DPP10: variants seen among roughly 807,000 people sequenced by gnomAD.
DPP10 encodes the protein dipeptidyl peptidase like 10.
A neutral mutation model predicts 120.9 loss-of-function variants in DPP10; 33 were observed. The ratio of observed to expected loss-of-function variants is 0.27; its 90% CI spans 0.21 to 0.37. The LOEUF (loss-of-function observed/expected upper bound fraction) is 0.37. Ranked by LOEUF, DPP10 falls within the 10% of genes least tolerant of loss-of-function variation. The pLI, the probability that DPP10 is intolerant of heterozygous loss-of-function variation, is 1.00. For synonymous variants in DPP10, 337 were observed against 326.1 expected (o/e 1.03, Z -0.36); for missense variants, 816 against 942.8 (o/e 0.87, Z 1.76).
rs536346113 is a variant in DPP10, at chr2:115,313,110, C to T, written c.175+3757C>T. 1.7e-4 allele frequency among the ~76,000 whole-genome samples: 26 copies of T among 152,196 alleles called. No individual in the cohort carries two copies. In the East Asian group the frequency reaches 5.0e-3, roughly 29 times the overall value. ...TGGTGGCATGCACCTGTAGTCCCAG[C>T]TACTCGGGAGGCTGAGGCAGGAGAA... is the stretch of plus-strand genomic sequence containing the variant. On this transcript the variant is annotated intron_variant, in intron 2 of 25. Coordinates refer to ENST00000410059, the MANE Select transcript of DPP10 (RefSeq NM_020868.6).
chr2:115,461,362 T>G (rs951499452), intron 3 of DPP10, among the ~76,000 whole-genome samples: 1 of 152,190 alleles, frequency 6.6e-6, no homozygotes, highest in Non-Finnish European at 1.5e-5. Flanking sequence ...TAGATTTTGT[T>G]ATATGAAAAT....
At chr2:114,477,699 A>ATG (rs770799341) in intron 1 of DPP10, among the ~76,000 whole-genome samples, 18 of 149,872 alleles carry the variant, frequency 1.2e-4, no homozygotes, top group South Asian at 4.2e-4. Flanking sequence ...GCAGTAGAGT[A>ATG]TGTGTGTGTG....
At chr2:115,068,754 G>T (rs1015279317) in intron 1 of DPP10, among the ~76,000 whole-genome samples, 1 of 152,136 alleles carries the variant, frequency 6.6e-6, no homozygotes, top group Admixed American at 6.5e-5. Context: ...TAGACAGTGT[G>T]AGATAAGGGT....
intron 1 of DPP10, among the ~76,000 whole-genome samples, chr2:114,883,810 T>C (rs939526524): frequency 3.9e-5 from 6 of 152,166 alleles, no homozygotes; most frequent in Non-Finnish European, 5.9e-5. Flanking sequence ...GGTGGAGTGA[T>C]GGAAGAAATT....
intron 1 of DPP10, among the ~76,000 whole-genome samples, chr2:114,670,051 A>G (rs1469621057): frequency 6.6e-6 from 1 of 152,130 alleles, no homozygotes; most frequent in Non-Finnish European, 1.5e-5. Flanking sequence ...GAGAAATAGG[A>G]ACACTTTTAC....
intron 1 of DPP10, among the ~76,000 whole-genome samples, chr2:114,937,780 C>T (rs1163563351): frequency 1.3e-5 from 2 of 152,114 alleles, no homozygotes; most frequent in East Asian, 3.9e-4. Context: ...CAAGGTCGGG[C>T]CTGGCTAGTA....
chr2:114,858,258 G>A (rs1473851085), intron 1 of DPP10, among the ~76,000 whole-genome samples: 1 of 152,114 alleles, frequency 6.6e-6, no homozygotes, highest in East Asian at 1.9e-4. Context: ...CAAAGTGCTG[G>A]GATTACAGGC....
chr2:115,737,400 G>A (rs1360687317), intron 8 of DPP10, among the ~76,000 whole-genome samples: 1 of 152,136 alleles, frequency 6.6e-6, no homozygotes, highest in African/African-American at 2.4e-5. Context: ...CCCATGGTGA[G>A]GCTAAATGTT....
intron 5 of DPP10, among the ~76,000 whole-genome samples, chr2:115,659,994 C>T (rs1010720011): frequency 2.6e-5 from 4 of 152,100 alleles, no homozygotes; most frequent in African/African-American, 9.7e-5. Context: ...GAAATAAATC[C>T]ATGGCATAGG....
intron 1 of DPP10, among the ~76,000 whole-genome samples, chr2:115,220,971 G>A (rs895782906): frequency 4.6e-5 from 7 of 151,210 alleles, no homozygotes; most frequent in Non-Finnish European, 1.0e-4. Flanking sequence ...CAGTGGCGAA[G>A]CCAAAATGGT....
At position 114,492,289 on chromosome 2, in the gene DPP10, T is replaced by A. The variant is rs1023131715; in HGVS notation, c.60+49451T>A. The stretch of plus-strand genomic sequence containing the variant: ...TGTATAATTTTATTCCCAAAGCTAA[T>A]TTTTTTATTTTAAGACATTTCATGA... On this transcript the variant is annotated intron_variant, in intron 1 of 25. Transcript: ENST00000410059. 7.9e-5 allele frequency among the ~76,000 whole-genome samples: 12 copies of A among 152,272 alleles called. No individual in the cohort carries two copies. The East Asian group carries it at 2.3e-3, about 29-fold the overall frequency.
At chr2:114,644,680 G>C (rs1362175775) in intron 1 of DPP10, among the ~76,000 whole-genome samples, 1 of 151,816 alleles carries the variant, frequency 6.6e-6, no homozygotes, top group Non-Finnish European at 1.5e-5. Flanking sequence ...GACCTAAGTT[G>C]GAGAATGCTA....
intron 13 of DPP10, among the ~76,000 whole-genome samples, chr2:115,776,577 C>T (rs1373347033): frequency 6.6e-6 from 1 of 152,064 alleles, no homozygotes; most frequent in East Asian, 1.9e-4. Flanking sequence ...TCTCTAACTA[C>T]ATAAAGTGGT....
intron 1 of DPP10, among the ~76,000 whole-genome samples, chr2:115,227,055 A>T (rs1323723900): frequency 1.3e-5 from 2 of 152,164 alleles, no homozygotes; most frequent in Admixed American, 1.3e-4. Context: ...CTATGTTTGT[A>T]GGTTGTTCTC....
intron 3 of DPP10, among the ~76,000 whole-genome samples, chr2:115,443,597 A>G (rs376722722): frequency 3.9e-5 from 6 of 152,206 alleles, no homozygotes; most frequent in Non-Finnish European, 8.8e-5. Context: ...CTGAATGTTT[A>G]TATCAAAGTA....
At chr2:114,493,808 T>C (rs986127831) in intron 1 of DPP10, among the ~76,000 whole-genome samples, 7 of 152,100 alleles carry the variant, frequency 4.6e-5, no homozygotes, top group African/African-American at 1.7e-4. Context: ...AGGTAAACAC[T>C]GCAAGCAACT....
In DPP10 at chr2:115,781,027, A is replaced by G. The variant is rs1458032620; in HGVS notation, c.1483+32A>G. Reference sequence around the variant, plus strand: ...TAATACATGAATTCTGATATAATATATTTTATTCATTGTATTTGGTCAATA... The same window carrying G: ...TAATACATGAATTCTGATATAATATGTTTTATTCATTGTATTTGGTCAATA... On this transcript the variant is annotated intron_variant, in intron 16 of 25. Transcript: ENST00000410059. 9 of 1,497,748 alleles carry G rather than the reference A, an allele frequency of 6.0e-6. No individual in the cohort carries two copies. In the South Asian group the frequency reaches 6.5e-5, roughly 11 times the overall value. 92.8% of individuals were successfully genotyped at this position (1,497,748 alleles called of 1,614,324 possible). A position where few individuals can be genotyped will look rare whatever the true frequency, so the allele number is the denominator to read the frequency against.
At chr2:115,465,614 G>A (rs1055640682) in intron 3 of DPP10, among the ~76,000 whole-genome samples, 10 of 152,146 alleles carry the variant, frequency 6.6e-5, no homozygotes, top group Non-Finnish European at 1.5e-4. Context: ...CCTGAGGTCA[G>A]GAGTTCATGA....
chr2:115,740,007 C>T, intron 9 of DPP10, 114 bp downstream of exon 9: 2 of 1,213,418 alleles, frequency 1.6e-6, no homozygotes, highest in Admixed American at 2.0e-5. Flanking sequence ...AGAAGTTTTC[C>T]TTACTTGTCA....
Sources: allele counts gnomAD v4.1 joint callset (sites outside exome capture counted in the v4.1 genomes callset), GRCh38; gene constraint gnomAD v4.1.1; transcripts MANE v1.5; gene names NCBI Gene and HGNC (gene_info 2026-07-23, HGNC 2026-07-21).